The following PARD3 variants were observed in gnomAD, a reference collection of about 807,000 sequenced individuals.
The protein encoded by PARD3 is par-3 family cell polarity regulator.
Under a neutral mutation model 155.4 loss-of-function variants are expected in PARD3, and 75 were observed. The observed-to-expected ratio is 0.48, with a 90% CI of 0.40 to 0.58. PARD3 has a LOEUF of 0.58. PARD3 is among the 20% of genes least tolerant of loss of function. PARD3 has a pLI of 0.00. For synonymous variants in PARD3, 576 were observed against 610.5 expected, an observed-to-expected ratio of 0.94 and a Z score of 0.83; for missense variants, 1,642 against 1,721.7, an observed-to-expected ratio of 0.95 and a Z score of 0.82.
chr10:34,533,290 A>G (rs2082983432), intron 2 of PARD3, among the ~76,000 whole-genome samples: 1 of 151,974 alleles, frequency 6.6e-6, no homozygotes, highest in Non-Finnish European at 1.5e-5. Context: ...GGAGGAAGGG[A>G]AAAGGACATG....
At chr10:34,453,315 T>G (rs1004226806) in intron 4 of PARD3, among the ~76,000 whole-genome samples, 3 of 152,234 alleles carry the variant, frequency 2.0e-5, no homozygotes. Flanking sequence ...GCCATGCTTT[T>G]TGTTACCACT....
chr10:34,734,319 G>GC lies in PARD3; in HGVS notation c.121-37901dup. Among the ~76,000 whole-genome samples, 7 of 139,478 alleles carry GC rather than the reference G, an allele frequency of 5.0e-5. No individual in the cohort carries two copies. In the South Asian group the frequency reaches 8.9e-4, roughly 18 times the overall value. 91.5% of individuals were successfully genotyped at this position (139,478 alleles called of 152,430 possible). A position where few individuals can be genotyped will look rare whatever the true frequency, so the allele number is the denominator to read the frequency against. On this transcript the variant is annotated intron_variant, in intron 1 of 24. Transcript: ENST00000374788. ...ATTACACATATAACAAATATATGGG[G>GC]CCCTTTTTTTTTTTTTTTTTTTTTT...
chr10:34,264,371 G>A lies in PARD3; in HGVS notation c.3419+5286C>T, dbSNP rs531322194. 1.4e-4 allele frequency among the ~76,000 whole-genome samples: 22 copies of A among 152,248 alleles called. No homozygotes were observed. In the South Asian group the frequency reaches 1.9e-3, roughly 13 times the overall value. On this transcript the variant is annotated intron_variant, in intron 22 of 24. Coordinates refer to ENST00000374788, the MANE Select transcript of PARD3 (RefSeq NM_001184785.2). ...AACTTACAATGAGCTTATCAGGACCGAACACCATTGAAAGTTGAGAAGCAT... is the reference window on the plus strand; with the variant it reads ...AACTTACAATGAGCTTATCAGGACCAAACACCATTGAAAGTTGAGAAGCAT...
At chr10:34,225,935 G>A (rs948358539) in intron 22 of PARD3, among the ~76,000 whole-genome samples, 55 of 151,964 alleles carry the variant, frequency 3.6e-4, no homozygotes, top group Non-Finnish European at 1.0e-4. Flanking sequence ...ACAACAGTAA[G>A]TAAATTAAGA....
chr10:34,118,202 T>A (rs976691052), intron 24 of PARD3, among the ~76,000 whole-genome samples: 2 of 152,158 alleles, frequency 1.3e-5, no homozygotes. Flanking sequence ...GCCTTATGGA[T>A]TGAAAAAGAA....
intron 1 of PARD3, among the ~76,000 whole-genome samples, chr10:34,711,389 T>G (rs973740052): frequency 1.1e-4 from 17 of 151,962 alleles, no homozygotes; most frequent in African/African-American, 4.1e-4. Context: ...GGCGTGGTGA[T>G]GGGCATCTGT....
At chr10:34,549,922 C>T (rs955315736) in intron 2 of PARD3, among the ~76,000 whole-genome samples, 8 of 152,134 alleles carry the variant, frequency 5.3e-5, no homozygotes, top group Middle Eastern at 3.4e-3. Flanking sequence ...TTCTCCTCCA[C>T]GACCAGGCCC....
In PARD3 at chr10:34,774,873, A is replaced by G. The variant is rs924412497; in HGVS notation, c.120+40003T>C. ...AATTTCACTGGTATCTGTATTTGAT[A>G]TAATTTTTCATTTACAGATACCAAA... On this transcript the variant is annotated intron_variant, in intron 1 of 24. Coordinates refer to ENST00000374788, the MANE Select transcript of PARD3 (RefSeq NM_001184785.2). 5.9e-5 allele frequency among the ~76,000 whole-genome samples: 9 copies of G among 152,228 alleles called. 1 individual carries two copies. Among genetic ancestry groups the G allele is most frequent in the Admixed American group, 5.2e-4 (8 of 15,288 alleles).
chr10:34,531,653 T>C (rs1232230859), intron 2 of PARD3, among the ~76,000 whole-genome samples: 2 of 152,210 alleles, frequency 1.3e-5, no homozygotes, highest in Admixed American at 1.3e-4. Flanking sequence ...TAATGGTCCC[T>C]ACACTGGATT....
chr10:34,398,735 C>T (rs552444935), intron 7 of PARD3, among the ~76,000 whole-genome samples: 10 of 152,136 alleles, frequency 6.6e-5, no homozygotes, highest in Admixed American at 2.0e-4. Context: ...ATCAAGGAAA[C>T]TGACATAACA....
chr10:34,267,121 AT>A (rs11365497), intron 22 of PARD3, among the ~76,000 whole-genome samples: 79,560 of 149,824 alleles, frequency 0.53, 21,280 homozygotes, highest in Middle Eastern at 0.63. Context: ...ATGTCAACTA[AT>A]TTTTTTTTTT....
chr10:34,718,067 T>C (rs1487609699), intron 1 of PARD3, among the ~76,000 whole-genome samples: 2 of 150,636 alleles, frequency 1.3e-5, no homozygotes, highest in Non-Finnish European at 2.9e-5. Context: ...GGCAGGTGAA[T>C]TGCTTGAGCC....
intron 3 of PARD3, among the ~76,000 whole-genome samples, chr10:34,485,109 A>C (rs1209820781): frequency 6.6e-6 from 1 of 152,174 alleles, no homozygotes; most frequent in Non-Finnish European, 1.5e-5. Flanking sequence ...AGGCCAAGGC[A>C]GGCAGATCAC....
intron 2 of PARD3, among the ~76,000 whole-genome samples, chr10:34,567,751 T>A (rs891284759): frequency 2.0e-5 from 3 of 152,224 alleles, no homozygotes; most frequent in Non-Finnish European, 4.4e-5. Context: ...AATAGGAAGA[T>A]CTGAAACCAG....
chr10:34,728,612 T>C (rs2133796579), intron 1 of PARD3, among the ~76,000 whole-genome samples: 1 of 152,300 alleles, frequency 6.6e-6, no homozygotes, highest in Admixed American at 6.5e-5. Flanking sequence ...ATATGTCACA[T>C]TGTTGTCTAT....
intron 2 of PARD3, among the ~76,000 whole-genome samples, chr10:34,695,113 A>T (rs140709881): frequency 2.6e-4 from 40 of 152,322 alleles, no homozygotes; most frequent in Non-Finnish European, 5.0e-4. Context: ...CTGCCTCCAT[A>T]CTACCATGCT....
chr10:34,244,772 T>C (rs1953835765), intron 22 of PARD3, among the ~76,000 whole-genome samples: 1 of 152,224 alleles, frequency 6.6e-6, no homozygotes, highest in Non-Finnish European at 1.5e-5. Context: ...TTAAGTATCT[T>C]GAAGTCATCA....
chr10:34,488,754 G>A (rs1011899216), intron 3 of PARD3: 1 of 154,280 alleles, frequency 6.5e-6, no homozygotes, highest in African/African-American at 2.4e-5. Flanking sequence ...CAACATCCAA[G>A]AGCTGGTCAT....
In PARD3 at chr10:34,732,307, A is replaced by C. The variant is rs546939986; in HGVS notation, c.121-35888T>G. 3.3e-5 allele frequency among the ~76,000 whole-genome samples: 5 copies of C among 152,340 alleles called. No individual in the cohort carries two copies. In the East Asian group the frequency reaches 9.6e-4, roughly 29 times the overall value. ...TAGTAAAATGGAGACACTCTAGGGT[A>C]GGAGGCCTGAAGTAAACTGCACTAA... On this transcript the variant is annotated intron_variant, in intron 1 of 24. Transcript: ENST00000374788.
Sources: allele counts gnomAD v4.1 joint callset (sites outside exome capture counted in the v4.1 genomes callset), GRCh38; gene constraint gnomAD v4.1.1; transcripts MANE v1.5; gene names NCBI Gene and HGNC (gene_info 2026-07-23, HGNC 2026-07-21).